IGBP1: variants seen among roughly 807,000 people sequenced by gnomAD.
The protein encoded by IGBP1 is immunoglobulin-binding protein 1.
A neutral mutation model predicts 25.9 loss-of-function variants in IGBP1; 2 were observed. The ratio of observed to expected loss-of-function variants is 0.08; its 90% CI spans 0.03 to 0.24. The LOEUF (loss-of-function observed/expected upper bound fraction) is 0.24, where lower values mean the gene tolerates loss of function less well. Among genes scored for constraint, IGBP1 ranks in the 10% least tolerant of loss-of-function variants. IGBP1 has a pLI of 1.00. For missense variants in IGBP1, 187 were observed against 260.4 expected, an observed-to-expected ratio of 0.72 and a Z score of 1.94; for synonymous variants, 96 against 93.4, an observed-to-expected ratio of 1.03 and a Z score of -0.16.
In IGBP1 at chrX:70,134,760, C is replaced by T; in HGVS notation, c.426C>T (p.Ser142=). ...CTGAAAATCACACTGCCAATTCCTC[C>T]ATGGCTTATCCTAGTCTCGTTGCTA... The part of the protein sequence containing the change: ...NSAENHTANS[S]MAYPSLVAMA... Residue 142 remains serine, a synonymous_variant, in exon 3 of 7, where the codon TCC becomes TCT. Transcript: ENST00000356413. 8.3e-7 allele frequency: 1 copy of T among 1,211,614 alleles called. No homozygotes were observed. Among genetic ancestry groups the T allele is most frequent in the Non-Finnish European group, 1.1e-6 (1 of 894,991 alleles).
Position 70,163,626 on chromosome X carries a change from TACA to T in IGBP1, c.872-2204_872-2202del, listed in dbSNP as rs1054620374. Among the ~76,000 whole-genome samples, 6 of 111,585 alleles carry T rather than the reference TACA, an allele frequency of 5.4e-5. No individual in the cohort carries two copies. In the East Asian group the frequency reaches 1.1e-3, roughly 21 times the overall value. ...ATTGAGCATCAACAGCTCCTAACAT[TACA>T]ACGAGACAGAGATATTTACATGCCT... On this transcript the variant is annotated intron_variant, in intron 6 of 6. Coordinates refer to ENST00000356413, the MANE Select transcript of IGBP1 (RefSeq NM_001551.3).
At chrX:70,139,670 A>C (rs1172204720) in intron 3 of IGBP1, among the ~76,000 whole-genome samples, 1 of 111,698 alleles carries the variant, frequency 9.0e-6, no homozygotes, top group Non-Finnish European at 1.9e-5. Flanking sequence ...TTTAGCTTCA[A>C]TTCCTCACTT....
At chrX:70,138,528 G>A (rs1382774452) in intron 3 of IGBP1, among the ~76,000 whole-genome samples, 1 of 106,864 alleles carries the variant, frequency 9.4e-6, no homozygotes, top group East Asian at 2.9e-4. Context: ...AAGTCATAGT[G>A]CTCATTGTAG....
intron 5 of IGBP1, 72 bp from the exon 6 acceptor site, chrX:70,150,138 T>C: frequency 1.7e-6 from 1 of 594,814 alleles, no homozygotes; most frequent in Non-Finnish European, 2.9e-6. Context: ...AGACTTTTTG[T>C]AGTACTGGGT....
chrX:70,147,540 CA>C (rs1379513937), intron 4 of IGBP1, among the ~76,000 whole-genome samples: 1 of 111,244 alleles, frequency 9.0e-6, no homozygotes, highest in African/African-American at 3.3e-5. Context: ...AATAAAAGAC[CA>C]GGGGGATATG....
In IGBP1 at chrX:70,134,797, A is replaced by C. The variant is rs1462143152; in HGVS notation, c.463A>C (p.Arg155=). ...TAGTCTCGTTGCTATGGCATCTCAA[A>C]GACAGGCTAAAATACAGAGGTGGGT... ...YPSLVAMASQ[R]QAKIQRYKQK... The change falls in exon 3 of 7, where the codon AGA becomes CGA. Residue 155 remains arginine, a synonymous_variant. Coordinates refer to ENST00000356413, the MANE Select transcript of IGBP1 (RefSeq NM_001551.3). 1.7e-6 allele frequency: 2 copies of C among 1,209,936 alleles called. No homozygotes were observed. Among genetic ancestry groups the C allele is most frequent in the African/African-American group, 3.5e-5 (2 of 57,403 alleles).
chrX:70,145,274 C>T (rs1479424634), intron 3 of IGBP1, among the ~76,000 whole-genome samples: 2 of 111,070 alleles, frequency 1.8e-5, no homozygotes, highest in Non-Finnish European at 3.8e-5. Flanking sequence ...TGACTTCTCT[C>T]TTTCCTTCAG....
intron 4 of IGBP1, 134 bp from the exon 5 acceptor site, chrX:70,148,627 A>G: frequency 3.8e-6 from 2 of 519,978 alleles, no homozygotes; most frequent in Non-Finnish European, 6.9e-6. Flanking sequence ...CTGCTGCTAT[A>G]TCTTAGAGAC....
At position 70,133,930 on chromosome X, in the gene IGBP1, G is replaced by T; in HGVS notation, c.-18G>T. The T allele has an allele frequency of 8.3e-7, 1 of 1,205,888 alleles. No individual in the cohort carries two copies. The highest frequency in any genetic ancestry group is 1.1e-6 in the Non-Finnish European group (1 of 890,951). ...TTGACCCCGGAAAAGAGATCTTCCGGGTTCCTCTCTCCCCAAGATGGCTGC... is the reference window on the plus strand; with the variant it reads ...TTGACCCCGGAAAAGAGATCTTCCGTGTTCCTCTCTCCCCAAGATGGCTGC... On this transcript the variant is annotated 5_prime_UTR_variant, in exon 2 of 7. Transcript: ENST00000356413.
chrX:70,159,002 G>T (rs776892711), intron 6 of IGBP1, among the ~76,000 whole-genome samples: 2 of 111,749 alleles, frequency 1.8e-5, no homozygotes, highest in African/African-American at 3.3e-5. Context: ...ACTACAGAAA[G>T]ACACGCTCAA....
intron 5 of IGBP1, among the ~76,000 whole-genome samples, chrX:70,149,228 C>CA (rs11360263): frequency 1.2e-3 from 88 of 75,604 alleles, no homozygotes; most frequent in African/African-American, 3.8e-3. Context: ...GACTCCGTCT[C>CA]AAAAAAAAAA....
chrX:70,145,772 T>C (rs1198650655), intron 3 of IGBP1, among the ~76,000 whole-genome samples: 2 of 112,289 alleles, frequency 1.8e-5, no homozygotes, highest in Non-Finnish European at 3.8e-5. Flanking sequence ...CTTCTAGATA[T>C]TGGCTTAGTT....
At chrX:70,140,534 T>TTA (rs2085123140) in intron 3 of IGBP1, among the ~76,000 whole-genome samples, 1 of 112,548 alleles carries the variant, frequency 8.9e-6, no homozygotes, top group Admixed American at 9.4e-5. Context: ...CTATCAGAGA[T>TTA]ACTACTTTTG....
chrX:70,163,597 C>T, intron 6 of IGBP1, among the ~76,000 whole-genome samples: 1 of 111,489 alleles, frequency 9.0e-6, no homozygotes, highest in East Asian at 2.8e-4. Flanking sequence ...GAATGGGTCT[C>T]GGCATTGAGC....
chrX:70,135,551 C>A (rs781730330), intron 3 of IGBP1, among the ~76,000 whole-genome samples: 91 of 111,655 alleles, frequency 8.2e-4, no homozygotes, highest in African/African-American at 2.9e-3. Flanking sequence ...GGAGAAAGCT[C>A]CCTGGAAGAG....
Position 70,154,714 on chromosome X carries a change from C to CA in IGBP1, c.871+4414dup, listed in dbSNP as rs762954223. ...AGCAACATGGTAAGACCCCTCTCCACAAAAAAAAAAAAAAAAAAAAAAGTT... is the reference window on the plus strand; with the variant it reads ...AGCAACATGGTAAGACCCCTCTCCACAAAAAAAAAAAAAAAAAAAAAAAGTT... On this transcript the variant is annotated intron_variant, in intron 6 of 6. Transcript: ENST00000356413. Among the ~76,000 whole-genome samples the CA allele has an allele frequency of 2.7e-3, 72 of 27,089 alleles. 2 individuals are homozygous for CA. Among genetic ancestry groups the CA allele is most frequent in the African/African-American group, 0.01 (56 of 5,375 alleles). The allele number at this position is 27,089 out of a possible 115,157, so 23.5% of individuals were successfully genotyped here.
At position 70,134,812 on chromosome X, in the gene IGBP1, C is replaced by A; in HGVS notation, c.478C>A (p.Gln160Lys). Residue 160 changes from glutamine (Q) to lysine (K), a missense_variant, in exon 3 of 7, where the codon CAG (glutamine) becomes AAG (lysine). By Grantham distance (53) the Gln-to-Lys change is moderately conservative (BLOSUM62 1). Transcript: ENST00000356413. Reference sequence around the variant, plus strand: ...GGCATCTCAAAGACAGGCTAAAATACAGAGGTGGGTCAATAGCTATAATAT... The same window carrying A: ...GGCATCTCAAAGACAGGCTAAAATAAAGAGGTGGGTCAATAGCTATAATAT... Reference protein sequence around the residue: ...AMASQRQAKIQRYKQKKELEH... With the variant: ...AMASQRQAKIKRYKQKKELEH... 8.3e-7 allele frequency: 1 copy of A among 1,207,918 alleles called. No individual in the cohort carries two copies. The highest frequency in any genetic ancestry group is 1.8e-5 in the South Asian group (1 of 56,906).
chrX:70,140,240 C>T (rs2085121727), intron 3 of IGBP1, among the ~76,000 whole-genome samples: 1 of 111,944 alleles, frequency 8.9e-6, no homozygotes, highest in African/African-American at 3.2e-5. Flanking sequence ...GTTATGCCTG[C>T]CATAGAGCTT....
At chrX:70,147,156 C>T (rs1355995041) in intron 4 of IGBP1, among the ~76,000 whole-genome samples, 3 of 111,429 alleles carry the variant, frequency 2.7e-5, no homozygotes, top group African/African-American at 9.8e-5. Context: ...GCTAACTGGC[C>T]ACCACGGTGG....
Sources: gnomAD v4.1 joint callset for allele counts (sites outside exome capture counted in the v4.1 genomes callset) on GRCh38, gnomAD v4.1.1 for gene constraint, MANE v1.5 for transcripts, NCBI Gene and HGNC (gene_info 2026-07-23, HGNC 2026-07-21) for gene names.